Variants in GTF2IRD1 observed in about 807,000 individuals in gnomAD.
GTF2IRD1 encodes GTF2I repeat domain containing 1, also known as general transcription factor II-I repeat domain-containing protein 1.
GTF2IRD1 carries 26 observed loss-of-function variants against 113.2 expected under a neutral mutation model. The ratio of observed to expected loss-of-function variants is 0.23; its 90% confidence interval spans 0.17 to 0.32. The LOEUF (loss-of-function observed/expected upper bound fraction) is 0.32, where lower values mean the gene tolerates loss of function less well. GTF2IRD1 is among the 10% of genes least tolerant of loss of function. The probability of loss-of-function intolerance (pLI) is 1.00; values close to 1 mark genes in which losing one functional copy is unlikely to be tolerated. For missense variants in GTF2IRD1, 864 were observed against 1,280.8 expected (o/e 0.67, Z 4.97); for synonymous variants, 484 against 529.1 (o/e 0.91, Z 1.17).
intron 4 of GTF2IRD1, among the ~76,000 whole-genome samples, chr7:74,517,005 TTG>T (rs1562825147): frequency 1.4e-4 from 19 of 140,370 alleles, no homozygotes; most frequent in East Asian, 8.9e-4. Flanking sequence ...CCTGTCTTTG[TTG>T]TTGTTGTTGT....
At chr7:74,576,617 CT>C (rs1165378230) in intron 22 of GTF2IRD1, among the ~76,000 whole-genome samples, 118 of 49,340 alleles carry the variant, frequency 2.4e-3, no homozygotes, top group African/African-American at 6.8e-3. Flanking sequence ...ATTTCCTTGT[CT>C]TTTTTTTTTT....
intron 22 of GTF2IRD1, among the ~76,000 whole-genome samples, chr7:74,564,829 G>A (rs1190465108): frequency 2.0e-5 from 3 of 150,372 alleles, no homozygotes; most frequent in Non-Finnish European, 4.5e-5. Context: ...CAGTGCCTCA[G>A]TTTCCCCACT....
At chr7:74,519,121 GCAGGAGA>G (rs1554345283) in intron 5 of GTF2IRD1, among the ~76,000 whole-genome samples, 1 of 152,250 alleles carries the variant, frequency 6.6e-6, no homozygotes, top group Non-Finnish European at 1.5e-5. Context: ...GAGGGGTGCA[GCAGGAGA>G]CAGGAGGCAA....
chr7:74,459,186 T>A (rs1793192335), intron 1 of GTF2IRD1, among the ~76,000 whole-genome samples: 1 of 152,102 alleles, frequency 6.6e-6, no homozygotes, highest in Non-Finnish European at 1.5e-5. Context: ...GTGCGGTGGC[T>A]CATGCCTGTA....
chr7:74,489,272 CT>C (rs1795196670), intron 1 of GTF2IRD1, among the ~76,000 whole-genome samples: 1 of 152,324 alleles, frequency 6.6e-6, no homozygotes, highest in East Asian at 1.9e-4. Flanking sequence ...CGGGCTGATT[CT>C]TTTCATGTCT....
At chr7:74,576,363 C>T (rs749811537) in intron 22 of GTF2IRD1, among the ~76,000 whole-genome samples, 5 of 151,342 alleles carry the variant, frequency 3.3e-5, no homozygotes, top group Non-Finnish European at 2.9e-5. Context: ...GAGTTCGAGA[C>T]CAGCCTGGCC....
chr7:74,511,360 T>C (rs1796617957), intron 2 of GTF2IRD1, among the ~76,000 whole-genome samples: 1 of 152,196 alleles, frequency 6.6e-6, no homozygotes, highest in African/African-American at 2.4e-5. Flanking sequence ...TGGGTGCCTT[T>C]AGGTGGGTGA....
chr7:74,593,653 A>G (rs1340429578), intron 24 of GTF2IRD1, among the ~76,000 whole-genome samples: 1 of 151,020 alleles, frequency 6.6e-6, no homozygotes, highest in Non-Finnish European at 1.5e-5. Context: ...GAATGGCATG[A>G]ACCTGGGAGG....
chr7:74,555,513 G>C lies in GTF2IRD1; in HGVS notation c.2023+19G>C, dbSNP rs782192483. ...TTTCAAGGTAAGGTTGAGCTCACGGGGAGGTCTGTTGTCCCAGCACCAGGA... is the reference window on the plus strand; with the variant it reads ...TTTCAAGGTAAGGTTGAGCTCACGGCGAGGTCTGTTGTCCCAGCACCAGGA... On this transcript the variant is annotated intron_variant, in intron 19 of 26. Coordinates refer to ENST00000424337, the MANE Select transcript of GTF2IRD1 (RefSeq NM_005685.4). This position sits in a 1 kb window ranked among gnomAD's most constrained non-coding sequence, Gnocchi z 5.3. 1.3e-6 allele frequency: 2 copies of C among 1,486,484 alleles called. No homozygotes were observed. The highest frequency in any genetic ancestry group is 9.4e-7 in the Non-Finnish European group (1 of 1,063,816). 92.1% of individuals were successfully genotyped at this position (1,486,484 alleles called of 1,614,324 possible).
chr7:74,513,035 A>G, intron 3 of GTF2IRD1, 64 bp downstream of exon 3: 3 of 1,514,284 alleles, frequency 2.0e-6, no homozygotes, highest in African/African-American at 2.7e-5. Flanking sequence ...GCTCTAGCCC[A>G]TCTCTGGGTC....
chr7:74,598,541 A>C (rs1297049524), intron 25 of GTF2IRD1, among the ~76,000 whole-genome samples: 2 of 151,820 alleles, frequency 1.3e-5, no homozygotes, highest in Non-Finnish European at 2.9e-5. Context: ...GCTTGAACCC[A>C]GGAAGCGGCG....
intron 1 of GTF2IRD1, among the ~76,000 whole-genome samples, chr7:74,491,976 A>G (rs1795371352): frequency 6.6e-6 from 1 of 151,402 alleles, no homozygotes; most frequent in African/African-American, 2.4e-5. Flanking sequence ...CCTCACCAAC[A>G]TCTGTTATTT....
At chr7:74,521,743 CAGTT>C (rs1452595260) in intron 7 of GTF2IRD1, among the ~76,000 whole-genome samples, 3 of 152,110 alleles carry the variant, frequency 2.0e-5, no homozygotes, top group South Asian at 4.2e-4. Flanking sequence ...GCCCGGGCAA[CAGTT>C]AGACCCTATC....
At chr7:74,579,620 G>GA (rs35170472) in intron 22 of GTF2IRD1, among the ~76,000 whole-genome samples, 269 of 134,348 alleles carry the variant, frequency 2.0e-3, no homozygotes, top group African/African-American at 2.3e-3. Context: ...TCCATCTTAA[G>GA]AAAAAAAAAA....
At chr7:74,600,162 G>T (rs1209550202) in intron 25 of GTF2IRD1, among the ~76,000 whole-genome samples, 1 of 152,186 alleles carries the variant, frequency 6.6e-6, no homozygotes, top group Admixed American at 6.5e-5. Context: ...AGGCACGGTG[G>T]CTCATGCCTG....
intron 14 of GTF2IRD1, 76 bp from the exon 15 acceptor site, chr7:74,544,679 A>G: frequency 6.9e-7 from 1 of 1,455,792 alleles, no homozygotes; most frequent in South Asian, 1.2e-5. Flanking sequence ...TTCCCCAGCT[A>G]TCTGGCCTGA....
At chr7:74,515,107 G>C (rs56166204) in intron 3 of GTF2IRD1, among the ~76,000 whole-genome samples, 20 of 147,410 alleles carry the variant, frequency 1.4e-4, no homozygotes, top group African/African-American at 4.5e-4. Flanking sequence ...AACATTCATC[G>C]AACCTCAGTT....
At chr7:74,486,900 C>G (rs2117176839) in intron 1 of GTF2IRD1, among the ~76,000 whole-genome samples, 1 of 152,148 alleles carries the variant, frequency 6.6e-6, no homozygotes, top group South Asian at 2.1e-4. Context: ...TGGGGAAGAT[C>G]CCTTGAGCCC....
chr7:74,537,416 AAAAAAAAAC>A (rs1798361791), intron 11 of GTF2IRD1, among the ~76,000 whole-genome samples: 1 of 152,022 alleles, frequency 6.6e-6, no homozygotes, highest in African/African-American at 2.4e-5. Flanking sequence ...CCGTCTCAAA[AAAAAAAAAC>A]AAAAAAAACA....
Sources: allele counts gnomAD v4.1 joint callset (sites outside exome capture counted in the v4.1 genomes callset), GRCh38; gene constraint gnomAD v4.1.1; non-coding constraint Gnocchi (gnomAD v3.1); transcripts MANE v1.5; gene names NCBI Gene and HGNC (gene_info 2026-07-23, HGNC 2026-07-21).